KIRREL2: variants seen among roughly 807,000 people sequenced by gnomAD.
The protein encoded by KIRREL2 is kirre like nephrin family adhesion molecule 2.
KIRREL2 carries 56 observed loss-of-function variants against 73.4 expected under a neutral mutation model. The ratio of observed to expected loss-of-function variants is 0.76; its 90% confidence interval spans 0.62 to 0.95. KIRREL2 has a LOEUF of 0.95. KIRREL2 is among the 40% of genes least tolerant of loss of function. The pLI, the probability that KIRREL2 is intolerant of heterozygous loss-of-function variation, is 0.00. For synonymous variants in KIRREL2, 407 were observed against 404.0 expected, an observed-to-expected ratio of 1.01 and a Z score of -0.09; for missense variants, 896 against 935.0, an observed-to-expected ratio of 0.96 and a Z score of 0.54.
At position 35,858,595 on chromosome 19, in the gene KIRREL2, A is replaced by T. The variant is rs747367596; in HGVS notation, c.361+38A>T. On this transcript the variant is annotated intron_variant, in intron 3 of 14. Transcript: ENST00000360202. ...CCCACTTGTCCCCTGGGAGCCCAAG[A>T]GGGCAGCCCGTACTAGCTGTGAGTA... The T allele has an allele frequency of 3.2e-5, 52 of 1,612,486 alleles. No individual in the cohort carries two copies. The South Asian group carries it at 5.6e-4, about 17-fold the overall frequency.
chr19:35,855,049 A>C (rs443186), upstream of KIRREL2, among the ~76,000 whole-genome samples: 23,643 of 152,050 alleles, frequency 0.16, 4,192 homozygotes, highest in African/African-American at 0.44. Context: ...CCCCGCCAAT[A>C]TCGTTCCCAG....
chr19:35,865,913 C>T (rs1299553496), intron 14 of KIRREL2, among the ~76,000 whole-genome samples: 1 of 152,196 alleles, frequency 6.6e-6, no homozygotes, highest in African/African-American at 2.4e-5. Flanking sequence ...CGACACCCCT[C>T]AGCAGGCCTA....
In KIRREL2 at chr19:35,857,063, G is replaced by C; in HGVS notation, c.-57G>C. ...GGGTGACAGGAGGCGTGCTTGAGAGGAAGAAGTTGACGGGAAGGCCAGTGC... is the reference window on the plus strand; with the variant it reads ...GGGTGACAGGAGGCGTGCTTGAGAGCAAGAAGTTGACGGGAAGGCCAGTGC... On this transcript the variant is annotated 5_prime_UTR_variant, in exon 1 of 15. Coordinates refer to ENST00000360202, the MANE Select transcript of KIRREL2 (RefSeq NM_199180.4). 6.3e-7 allele frequency: 1 copy of C among 1,578,070 alleles called. No homozygotes were observed. Among genetic ancestry groups the C allele is most frequent in the Non-Finnish European group, 8.7e-7 (1 of 1,147,498 alleles).
chr19:35,862,332 A>G (rs1973728840), intron 11 of KIRREL2, among the ~76,000 whole-genome samples, 161 bp from the exon 12 acceptor site: 1 of 152,208 alleles, frequency 6.6e-6, no homozygotes, highest in African/African-American at 2.4e-5. Flanking sequence ...AAAGCCAGGG[A>G]GTTTAAACTC....
At chr19:35,866,086 GTC>G in intron 14 of KIRREL2, 69 bp from the exon 15 acceptor site, 1 of 1,439,922 alleles carries the variant, frequency 6.9e-7, no homozygotes, top group South Asian at 1.2e-5. Context: ...ATTTCAGTGT[GTC>G]TCTCCATCAG....
At chr19:35,862,630 G>A (rs1280155104) in intron 12 of KIRREL2, 33 bp downstream of exon 12, 15 of 1,519,678 alleles carry the variant, frequency 9.9e-6, no homozygotes, top group Non-Finnish European at 1.2e-5. Flanking sequence ...GGCTCCCGAG[G>A]CCCCAGCCCC....
chr19:35,861,698 C>G, intron 10 of KIRREL2, 57 bp downstream of exon 10: 1 of 1,590,764 alleles, frequency 6.3e-7, no homozygotes, highest in Non-Finnish European at 8.6e-7. Flanking sequence ...GACCTCCCAC[C>G]TGGCCCCCCG....
chr19:35,861,320 A>G, intron 9 of KIRREL2, 66 bp downstream of exon 9: 7 of 1,505,866 alleles, frequency 4.6e-6, no homozygotes, highest in Non-Finnish European at 6.2e-6. Flanking sequence ...AGAGGGGGCA[A>G]GGGCTAATGC....
intron 12 of KIRREL2, 52 bp from the exon 13 acceptor site, chr19:35,862,875 C>T (rs1973767737): frequency 3.6e-6 from 4 of 1,099,358 alleles, no homozygotes; most frequent in Non-Finnish European, 5.4e-6. Context: ...TATTGGTCTG[C>T]ACACATTGTG....
At chr19:35,853,861 T>G (rs1346782825), upstream of KIRREL2, among the ~76,000 whole-genome samples, 3 of 143,950 alleles carry the variant, frequency 2.1e-5, no homozygotes, top group Admixed American at 6.9e-5. Context: ...TTTTTTTTTT[T>G]TGAGAGGGAG....
chr19:35,861,166 C>G lies in KIRREL2; in HGVS notation c.1101C>G (p.Pro367=), dbSNP rs1393629650. ...CACTGCGTCTTCCGTCGGTGGGGCC[C>G]GAGGACGCAGGCGACTATGTGTGCA... is the stretch of plus-strand genomic sequence containing the variant. The part of the protein sequence containing the change: ...GATLRLPSVG[P]EDAGDYVCRA... The change falls in exon 9 of 15, where the codon CCC becomes CCG. Residue 367 remains proline (P), a synonymous_variant. Transcript: ENST00000360202. The G allele has an allele frequency of 4.4e-6, 7 of 1,587,912 alleles. No homozygotes were observed. The highest frequency in any genetic ancestry group is 2.2e-5 in the East Asian group (1 of 44,548).
chr19:35,857,051 C>G lies in KIRREL2; in HGVS notation c.-69C>G, dbSNP rs1025979856. The G allele has an allele frequency of 1.3e-5, 20 of 1,509,128 alleles. No homozygotes were observed. The highest frequency in any genetic ancestry group is 1.4e-5 in the Non-Finnish European group (15 of 1,085,088). The allele number at this position is 1,509,128 out of a possible 1,614,324, so 93.5% of individuals were successfully genotyped here. Reference sequence around the variant, plus strand: ...GGCTCCGGGCCAGGGTGACAGGAGGCGTGCTTGAGAGGAAGAAGTTGACGG... The same window carrying G: ...GGCTCCGGGCCAGGGTGACAGGAGGGGTGCTTGAGAGGAAGAAGTTGACGG... On this transcript the variant is annotated 5_prime_UTR_variant, in exon 1 of 15. Transcript: ENST00000360202.
At chr19:35,857,224 A>G (rs1305267421) in intron 1 of KIRREL2, 44 bp downstream of exon 1, 16 of 1,590,118 alleles carry the variant, frequency 1.0e-5, no homozygotes, top group Middle Eastern at 1.7e-4. Context: ...GGGGGTGGGG[A>G]GTTGCTTGCG....
Position 35,864,176 on chromosome 19 carries a change from T to TTTGTTGTTGTTGTTG in KIRREL2, c.1726-457_1726-443dup, listed in dbSNP as rs113984862. Among the ~76,000 whole-genome samples the TTTGTTGTTGTTGTTG allele has an allele frequency of 1.5e-4, 23 of 148,690 alleles. No homozygotes were observed. In the East Asian group the frequency reaches 1.8e-3, roughly 12 times the overall value. ...GCCCAGTATGTCCCCACAGCCCGTT[T>TTTGTTGTTGTTGTTG]TTGTTGTTGTTGTTGTTGTTGTTGT... is the stretch of plus-strand genomic sequence containing the variant. On this transcript the variant is annotated intron_variant, in intron 13 of 14. Transcript: ENST00000360202.
rs143969945 is a variant in KIRREL2, at chr19:35,862,575, C to G, written c.1593C>G (p.Leu531=). The G allele has an allele frequency of 1.9e-6, 3 of 1,608,562 alleles. No individual in the cohort carries two copies. In the Admixed American group the frequency reaches 5.0e-5, roughly 27 times the overall value. Residue 531 remains leucine (L), a synonymous_variant, in exon 12 of 15, where the codon CTC becomes CTG. Transcript: ENST00000360202. ...TLLMVITGVA[L]CCWRHSKASA... is the part of the protein sequence containing the mutation. ...TTATGGTCATCACTGGGGTGGCCCT[C>G]TGCTGCTGGCGCCACAGCAAGGGTT...
intron 2 of KIRREL2, 88 bp from the exon 3 acceptor site, chr19:35,858,320 G>A: frequency 6.6e-7 from 1 of 1,504,842 alleles, no homozygotes; most frequent in Non-Finnish European, 9.1e-7. Flanking sequence ...GTGTGGGCCA[G>A]TTTTCTGGTG....
At chr19:35,851,636 C>CG, upstream of KIRREL2, 1 of 1,613,804 alleles carries the variant, frequency 6.2e-7, no homozygotes, top group South Asian at 1.1e-5. Context: ...CCAGAAGCCC[C>CG]GGGGAACGGA....
intron 9 of KIRREL2, 142 bp downstream of exon 9, chr19:35,861,396 A>G: frequency 6.8e-7 from 1 of 1,465,386 alleles, no homozygotes; most frequent in South Asian, 1.2e-5. Flanking sequence ...ATTGAAGGCG[A>G]GGCTTTTAGG....
At chr19:35,861,094 G>T in intron 8 of KIRREL2, 28 bp from the exon 9 acceptor site, 1 of 1,606,186 alleles carries the variant, frequency 6.2e-7, no homozygotes, top group Non-Finnish European at 8.5e-7. Flanking sequence ...TTACAAATCC[G>T]GCTTCTGACG....
Sources: gnomAD v4.1 joint callset for allele counts (sites outside exome capture counted in the v4.1 genomes callset) on GRCh38, gnomAD v4.1.1 for gene constraint, MANE v1.5 for transcripts, NCBI Gene and HGNC (gene_info 2026-07-23, HGNC 2026-07-21) for gene names.